Variants in SAMD7 observed in about 807,000 individuals in gnomAD.
SAMD7 encodes sterile alpha motif domain containing 7.
Under a neutral mutation model 36.7 loss-of-function variants are expected in SAMD7, and 34 were observed. The ratio of observed to expected loss-of-function variants is 0.93; its 90% CI spans 0.71 to 1.23. The LOEUF (loss-of-function observed/expected upper bound fraction) is 1.23, where lower values mean the gene tolerates loss of function less well. SAMD7 is among the 50% of genes most tolerant of loss of function. SAMD7 has a pLI of 0.00. For synonymous variants in SAMD7, 188 were observed against 189.7 expected, an observed-to-expected ratio of 0.99 and a Z score of 0.07; for missense variants, 570 against 546.6, an observed-to-expected ratio of 1.04 and a Z score of -0.43.
Position 169,919,538 on chromosome 3 carries a change from A to T in SAMD7, c.40A>T (p.Thr14Ser), listed in dbSNP as rs1712952176. 3 of 1,614,192 alleles carry T rather than the reference A, an allele frequency of 1.9e-6. No individual in the cohort carries two copies. In the South Asian group the frequency reaches 3.3e-5, roughly 18 times the overall value. ...TTTATTGACACCAACAGGGCAGCAG[A>T]CAATCCCACTGATCCCCTCACCATT... ...NPLLTPTGQQ[T>S]IPLIPSPFGP... Residue 14 changes from threonine to serine, a missense_variant, in exon 3 of 9, where the codon ACA becomes TCA. Physicochemically the swap from Thr to Ser is moderately conservative, Grantham distance 58. Coordinates refer to ENST00000335556, the MANE Select transcript of SAMD7 (RefSeq NM_001304366.2).
chr3:169,938,250 T>A, intron 8 of SAMD7, 68 bp from the exon 9 acceptor site: 1 of 988,460 alleles, frequency 1.0e-6, no homozygotes, highest in Non-Finnish European at 1.6e-6. Context: ...CTCTGTGATG[T>A]GTGTTTAATG....
chr3:169,921,371 G>A (rs1292629181), intron 4 of SAMD7, 33 bp downstream of exon 4: 2 of 1,605,238 alleles, frequency 1.2e-6, no homozygotes, highest in South Asian at 1.1e-5. Context: ...TCTCATCTGT[G>A]GAGTCATTTT....
chr3:169,926,529 T>C, intron 5 of SAMD7, 24 bp from the exon 6 acceptor site: 1 of 1,585,704 alleles, frequency 6.3e-7, no homozygotes, highest in Non-Finnish European at 8.6e-7. Flanking sequence ...TTGGGCTGTA[T>C]AAAATATATT....
intron 7 of SAMD7, among the ~76,000 whole-genome samples, chr3:169,931,152 T>G (rs941994605): frequency 1.3e-5 from 2 of 152,220 alleles, no homozygotes; most frequent in East Asian, 3.8e-4. Flanking sequence ...CAGGAGAGCC[T>G]GCAACATATT....
In SAMD7 at chr3:169,921,954, A is replaced by G. The variant is rs73879152; in HGVS notation, c.211+616A>G. 4.0e-3 allele frequency among the ~76,000 whole-genome samples: 602 copies of G among 152,340 alleles called. 5 individuals are homozygous for G. The highest frequency in any genetic ancestry group is 0.014 in the African/African-American group (566 of 41,572). On this transcript the variant is annotated intron_variant, in intron 4 of 8. Transcript: ENST00000335556. ...TGTAATTATTTTGATTGTAGAAACAACAGGATTTTCTCACAGTGTGTATGT... is the reference window on the plus strand; with the variant it reads ...TGTAATTATTTTGATTGTAGAAACAGCAGGATTTTCTCACAGTGTGTATGT...
At chr3:169,915,344 CT>C (rs1482471900) in intron 1 of SAMD7, 22 bp from the exon 2 acceptor site, 1 of 152,148 alleles carries the variant, frequency 6.6e-6, no homozygotes, top group African/African-American at 2.4e-5. Context: ...AAATAAACTA[CT>C]GTACTTAATT....
At chr3:169,922,794 C>T (rs560958709) in intron 4 of SAMD7, among the ~76,000 whole-genome samples, 111 of 140,444 alleles carry the variant, frequency 7.9e-4, no homozygotes, top group African/African-American at 3.0e-3. Context: ...CCACCATGCC[C>T]AGCCATATTT....
chr3:169,916,148 G>T (rs1432806348), intron 2 of SAMD7, among the ~76,000 whole-genome samples: 8 of 152,164 alleles, frequency 5.3e-5, no homozygotes, highest in Admixed American at 5.2e-4. Flanking sequence ...AGGACATTAT[G>T]CTAAGTGAAA....
At chr3:169,932,884 TA>T in intron 7 of SAMD7, 1 of 630,260 alleles carries the variant, frequency 1.6e-6, no homozygotes, top group Non-Finnish European at 3.0e-6. Flanking sequence ...GCCATTACTA[TA>T]AGAACTTTCA....
intron 4 of SAMD7, among the ~76,000 whole-genome samples, chr3:169,921,593 A>G: frequency 6.6e-6 from 1 of 152,228 alleles, no homozygotes; most frequent in African/African-American, 2.4e-5. Context: ...TATTTGTCTT[A>G]TCTTACACAT....
Position 169,927,017 on chromosome 3 carries a change from G to A in SAMD7, c.755G>A (p.Cys252Tyr). 3 of 1,613,788 alleles carry A rather than the reference G, an allele frequency of 1.9e-6. 1 individual carries two copies. The highest frequency in any genetic ancestry group is 1.7e-6 in the Non-Finnish European group (2 of 1,179,930). The stretch of plus-strand genomic sequence containing the variant: ...CCAACGACAGCTCTTGCCAACACCT[G>A]TGGAGAGCTCGAGCCCACCCATAGG... ...EKPTTALANT[C>Y]GELEPTHRKP... is the part of the protein sequence containing the mutation. The change falls in exon 6 of 9, where the codon TGT (cysteine) becomes TAT (tyrosine). Residue 252 changes from cysteine to tyrosine, a missense_variant. Physicochemically the swap from Cys to Tyr is radical, Grantham distance 194. Transcript: ENST00000335556.
chr3:169,922,525 G>A (rs1713087301), intron 4 of SAMD7, among the ~76,000 whole-genome samples: 1 of 152,170 alleles, frequency 6.6e-6, no homozygotes, highest in Non-Finnish European at 1.5e-5. Context: ...TTGAGATGGA[G>A]TTTCACTCTT....
intron 3 of SAMD7, among the ~76,000 whole-genome samples, chr3:169,920,464 G>A (rs1019434920): frequency 4.6e-5 from 7 of 152,076 alleles, no homozygotes; most frequent in South Asian, 2.1e-4. Flanking sequence ...TCATTTAATC[G>A]AAATTACCTC....
chr3:169,927,536 C>T lies in SAMD7; in HGVS notation c.919+355C>T, dbSNP rs1224230667. Among the ~76,000 whole-genome samples, 3 of 151,952 alleles carry T rather than the reference C, an allele frequency of 2.0e-5. No homozygotes were observed. In the East Asian group the frequency reaches 5.8e-4, roughly 29 times the overall value. On this transcript the variant is annotated intron_variant, in intron 6 of 8. Coordinates refer to ENST00000335556, the MANE Select transcript of SAMD7 (RefSeq NM_001304366.2). Reference sequence around the variant, plus strand: ...GGTCTCAATCTCCTGACCTCGTGATCCGCCCGCCTCGGCCTCCCAAAGTGC... The same window carrying T: ...GGTCTCAATCTCCTGACCTCGTGATTCGCCCGCCTCGGCCTCCCAAAGTGC...
intron 3 of SAMD7, 34 bp downstream of exon 3, chr3:169,919,618 A>G (rs776513056): frequency 1.4e-6 from 2 of 1,439,504 alleles, no homozygotes; most frequent in South Asian, 2.3e-5. Context: ...TTGATCAAAG[A>G]ACAACATGGA....
At chr3:169,912,221 GCCC>G (rs919034405) in intron 1 of SAMD7, among the ~76,000 whole-genome samples, 10 of 151,846 alleles carry the variant, frequency 6.6e-5, no homozygotes, top group African/African-American at 2.2e-4. Flanking sequence ...TATTTTAATG[GCCC>G]CCCATTACTA....
chr3:169,921,300 C>T lies in SAMD7; in HGVS notation c.173C>T (p.Thr58Ile), dbSNP rs753503910. 9 of 1,614,138 alleles carry T rather than the reference C, an allele frequency of 5.6e-6. No homozygotes were observed. The highest frequency in any genetic ancestry group is 6.8e-6 in the Non-Finnish European group (8 of 1,179,980). The change falls in exon 4 of 9, where the codon ACA (threonine) becomes ATA (isoleucine). Residue 58 changes from threonine to isoleucine, a missense_variant. Physicochemically the swap from Thr to Ile is moderately conservative, Grantham distance 89 (BLOSUM62 -1). Coordinates refer to ENST00000335556, the MANE Select transcript of SAMD7 (RefSeq NM_001304366.2). ...SQFGSSVLPN[T>I]NMANVLSSRI... The stretch of plus-strand genomic sequence containing the variant: ...TTTGGATCCTCTGTTCTACCAAACA[C>T]AAATATGGCAAATGTGTTGTCCAGT...
intron 7 of SAMD7, chr3:169,932,992 A>G (rs537635415): frequency 8.3e-6 from 6 of 725,060 alleles, no homozygotes; most frequent in African/African-American, 5.2e-5. Context: ...CCCCCCCTCT[A>G]TCAGTGTGGC....
chr3:169,931,692 T>G (rs546121835), intron 7 of SAMD7, among the ~76,000 whole-genome samples: 1 of 152,166 alleles, frequency 6.6e-6, no homozygotes, highest in Non-Finnish European at 1.5e-5. Flanking sequence ...CTTAATGCAG[T>G]TTGTTGGGGG....
Sources: gnomAD v4.1 joint callset for allele counts (sites outside exome capture counted in the v4.1 genomes callset) on GRCh38, gnomAD v4.1.1 for gene constraint, MANE v1.5 for transcripts, NCBI Gene and HGNC (gene_info 2026-07-23, HGNC 2026-07-21) for gene names.